The following SGIP1 variants were observed in gnomAD, a reference collection of about 807,000 sequenced individuals.
SGIP1 encodes the protein SH3-containing GRB2-like protein 3-interacting protein 1.
In SGIP1, 38 loss-of-function variants were observed where a neutral mutation model predicts 107.5. That is an observed-to-expected ratio of 0.35 (90% confidence interval 0.27 to 0.46). The LOEUF is 0.46. SGIP1 is among the 20% of genes least tolerant of loss of function. The pLI is 1.00. For synonymous variants in SGIP1, 365 were observed against 366.1 expected (o/e 1.00, Z 0.03); for missense variants, 929 against 1,019.5 (o/e 0.91, Z 1.21).
Position 66,563,821 on chromosome 1 carries a change from T to A in SGIP1, c.10+29453T>A, listed in dbSNP as rs2059289349. On this transcript the variant is annotated intron_variant, in intron 1 of 24. Coordinates refer to ENST00000371037, the MANE Select transcript of SGIP1 (RefSeq NM_032291.4). ...AGAGAAAGAATATCATTTGAAATAC[T>A]TGACTTATTTTCAGAAGCTAGCAAA... Among the ~76,000 whole-genome samples, 8 of 152,132 alleles carry A rather than the reference T, an allele frequency of 5.3e-5. No homozygotes were observed. The South Asian group carries it at 1.7e-3, about 32-fold the overall frequency.
rs1275257379 is a variant in SGIP1 at position 66,745,455 on chromosome 1, ATT to A, written c.*2363_*2364del. 6.6e-6 allele frequency: 1 copy of A among 152,034 alleles called. No individual in the cohort carries two copies. Among genetic ancestry groups the A allele is most frequent in the East Asian group, 1.9e-4 (1 of 5,200 alleles). The allele number at this position is 152,034 out of a possible 1,614,324, so 9.4% of individuals were successfully genotyped here. On this transcript the variant is annotated 3_prime_UTR_variant, in exon 25 of 25. Transcript: ENST00000371037. ...TGGTATCAGGGATTTGCATTTTGAC[ATT>A]TTGTTGTTTCTTTTTAATTTTGTAG...
chr1:66,734,316 C>T (rs562348), intron 21 of SGIP1, among the ~76,000 whole-genome samples: 104,620 of 151,812 alleles, frequency 0.69, 37,023 homozygotes, highest in African/African-American at 0.78. Flanking sequence ...AAATCTAACA[C>T]TAAGAAATAG....
At position 66,743,906 on chromosome 1, in the gene SGIP1, T is replaced by A. The variant is rs975673782; in HGVS notation, c.*811T>A. 6.6e-6 allele frequency: 1 copy of A among 152,520 alleles called. No homozygotes were observed. Among genetic ancestry groups the A allele is most frequent in the African/African-American group, 2.4e-5 (1 of 41,462 alleles). The allele number at this position is 152,520 out of a possible 1,614,324, so 9.4% of individuals were successfully genotyped here. ...GAAGTCTTAACTACTTGCCCCTCTC[T>A]ACAGTTTCGCAAATGTGGGGATTGC... On this transcript the variant is annotated 3_prime_UTR_variant, in exon 25 of 25. Coordinates refer to ENST00000371037, the MANE Select transcript of SGIP1 (RefSeq NM_032291.4).
intron 18 of SGIP1, among the ~76,000 whole-genome samples, chr1:66,713,774 G>A (rs1195508687): frequency 6.6e-6 from 1 of 151,908 alleles, no homozygotes; most frequent in Non-Finnish European, 1.5e-5. Flanking sequence ...CAAATAATTT[G>A]TTTATTTGAA....
chr1:66,709,870 C>G (rs1367746330), intron 18 of SGIP1, among the ~76,000 whole-genome samples: 2 of 152,010 alleles, frequency 1.3e-5, no homozygotes, highest in Admixed American at 1.3e-4. Flanking sequence ...CTCATCGTAG[C>G]ATTATTATTA....
chr1:66,649,658 A>G (rs1411793992), intron 7 of SGIP1, among the ~76,000 whole-genome samples: 1 of 152,200 alleles, frequency 6.6e-6, no homozygotes, highest in African/African-American at 2.4e-5. Flanking sequence ...TTAAAGAGTA[A>G]AATAATTTTT....
chr1:66,703,548 G>T (rs940682566), intron 18 of SGIP1, among the ~76,000 whole-genome samples: 2 of 150,674 alleles, frequency 1.3e-5, no homozygotes, highest in African/African-American at 4.9e-5. Flanking sequence ...CACACATATA[G>T]AGATAATAGA....
At chr1:66,659,965 A>G (rs1571377183) in intron 7 of SGIP1, among the ~76,000 whole-genome samples, 1 of 59,574 alleles carries the variant, frequency 1.7e-5, no homozygotes, top group Non-Finnish European at 2.7e-5. Context: ...AAAGAAAGAA[A>G]GAAAGAAAGA....
At chr1:66,715,020 AT>A (rs1364901582) in intron 18 of SGIP1, among the ~76,000 whole-genome samples, 3 of 152,130 alleles carry the variant, frequency 2.0e-5, no homozygotes, top group African/African-American at 4.8e-5. Context: ...TATAATCTTT[AT>A]GCAAAATACC....
Position 66,671,022 on chromosome 1 carries a change from A to G in SGIP1, c.508+3A>G. On this transcript the variant is annotated splice_donor_region_variant and intron_variant, in intron 10 of 24. Coordinates refer to ENST00000371037, the MANE Select transcript of SGIP1 (RefSeq NM_032291.4). ...TGCAATTAAAAGGAACTTATCCAGT[A>G]AGTATATCTTAGCTACCAGAAATAG... 7.2e-7 allele frequency: 1 copy of G among 1,388,412 alleles called. No homozygotes were observed. The highest frequency in any genetic ancestry group is 1.0e-6 in the Non-Finnish European group (1 of 1,003,952). The allele number at this position is 1,388,412 out of a possible 1,614,324, so 86.0% of individuals were successfully genotyped here.
intron 13 of SGIP1, 81 bp downstream of exon 13, chr1:66,677,177 T>A: frequency 9.2e-7 from 1 of 1,082,022 alleles, no homozygotes; most frequent in Non-Finnish European, 1.4e-6. Context: ...AGGCAACTCT[T>A]AAAAAGTCTA....
intron 1 of SGIP1, among the ~76,000 whole-genome samples, chr1:66,612,732 A>T (rs1434362754): frequency 6.6e-6 from 1 of 152,228 alleles, no homozygotes; most frequent in East Asian, 1.9e-4. Flanking sequence ...TGGTAAAGCT[A>T]AAATCTGATG....
intron 13 of SGIP1, among the ~76,000 whole-genome samples, chr1:66,679,113 C>T (rs1028777179): frequency 2.6e-5 from 4 of 152,168 alleles, no homozygotes; most frequent in Non-Finnish European, 5.9e-5. Flanking sequence ...TTGACCCAAG[C>T]AGTTAGTTTG....
intron 1 of SGIP1, among the ~76,000 whole-genome samples, chr1:66,562,952 T>C (rs2059161191): frequency 6.6e-6 from 1 of 152,042 alleles, no homozygotes; most frequent in African/African-American, 2.4e-5. Context: ...AATGTAATCC[T>C]TTGTTATTCC....
At chr1:66,692,746 G>C (rs1182377765) in intron 17 of SGIP1, among the ~76,000 whole-genome samples, 1 of 152,064 alleles carries the variant, frequency 6.6e-6, no homozygotes, top group Admixed American at 6.6e-5. Flanking sequence ...CCAAAATTGG[G>C]GCAAATCTAA....
At position 66,636,009 on chromosome 1, in the gene SGIP1, A is replaced by G. The variant is rs141925067; in HGVS notation, c.165A>G (p.Lys55=). The G allele has an allele frequency of 3.7e-6, 6 of 1,613,626 alleles. No individual in the cohort carries two copies. The highest frequency in any genetic ancestry group is 5.1e-6 in the Non-Finnish European group (6 of 1,179,842). Residue 55 remains lysine, a synonymous_variant, in exon 4 of 25, where the codon AAA becomes AAG. Coordinates refer to ENST00000371037, the MANE Select transcript of SGIP1 (RefSeq NM_032291.4). ...AGTGTGCGCGTGAAGGAGGAAAAAA[A>G]GTTTCGGTAAGGAAACAGATTTTAG... ...KAECAREGGK[K]VSKKSNGAPN...
In SGIP1 at chr1:66,655,503, T is replaced by A. The variant is rs1212848972; in HGVS notation, c.460-5010T>A. Among the ~76,000 whole-genome samples the A allele has an allele frequency of 5.3e-5, 8 of 152,246 alleles. No individual in the cohort carries two copies. In the East Asian group the frequency reaches 1.3e-3, roughly 26 times the overall value. On this transcript the variant is annotated intron_variant, in intron 7 of 24. Transcript: ENST00000371037. ...TATTTAATTATTACACAGCCGTGTG[T>A]TGCTTAATTGTTGTTAGGCAATTTT... is the stretch of plus-strand genomic sequence containing the variant.
chr1:66,616,934 C>T (rs1001630517), intron 1 of SGIP1, among the ~76,000 whole-genome samples: 9 of 152,088 alleles, frequency 5.9e-5, no homozygotes, highest in Non-Finnish European at 1.3e-4. Context: ...TTATATCAGA[C>T]CCTTTTGCAA....
chr1:66,547,577 C>G (rs2056637574), intron 1 of SGIP1, among the ~76,000 whole-genome samples: 1 of 152,134 alleles, frequency 6.6e-6, no homozygotes, highest in Non-Finnish European at 1.5e-5. Flanking sequence ...TCGTCGCACT[C>G]TTGATCAAAT....
Sources: allele counts gnomAD v4.1 joint callset (sites outside exome capture counted in the v4.1 genomes callset), GRCh38; gene constraint gnomAD v4.1.1; transcripts MANE v1.5; gene names NCBI Gene and HGNC (gene_info 2026-07-23, HGNC 2026-07-21).